Variants in KCNAB1 observed in about 807,000 individuals in gnomAD.
The protein encoded by KCNAB1 is potassium voltage-gated channel subfamily A regulatory beta subunit 1.
In KCNAB1, 35 loss-of-function variants were observed where a neutral mutation model predicts 64.6. That is an observed-to-expected ratio of 0.54 (90% CI 0.41 to 0.72). KCNAB1 has a LOEUF of 0.72. KCNAB1 is among the 30% of genes least tolerant of loss of function. KCNAB1 has a pLI of 0.00. For missense variants in KCNAB1, 401 were observed against 512.9 expected (o/e 0.78, Z 2.11); for synonymous variants, 177 against 183.8 (o/e 0.96, Z 0.30).
At chr3:156,526,562 A>C (rs776502203) in intron 12 of KCNAB1, among the ~76,000 whole-genome samples, 1 of 152,200 alleles carries the variant, frequency 6.6e-6, no homozygotes, top group African/African-American at 2.4e-5. Flanking sequence ...CACACGTTGC[A>C]TGCTCAATAG....
intron 1 of KCNAB1, among the ~76,000 whole-genome samples, chr3:156,311,839 A>T (rs1471782490): frequency 6.6e-6 from 1 of 152,138 alleles, no homozygotes; most frequent in Non-Finnish European, 1.5e-5. Context: ...AGCCCCATTT[A>T]TTGACTGCAA....
chr3:156,291,848 C>T, intron 1 of KCNAB1: 2 of 1,605,876 alleles, frequency 1.2e-6, no homozygotes, highest in Non-Finnish European at 1.7e-6. Flanking sequence ...ACTGCTCAAC[C>T]TCTCGTGACT....
In KCNAB1 at chr3:156,326,678, A is replaced by C. The variant is rs143160230; in HGVS notation, c.276-94938A>C. 3.0e-3 allele frequency among the ~76,000 whole-genome samples: 451 copies of C among 152,232 alleles called. 9 individuals are homozygous for C. The highest frequency in any genetic ancestry group is 0.024 in the Admixed American group (374 of 15,270). ...CATGCTCCTGCCTGAGGACCTTTGC[A>C]CTTGCTGTTCTCTCTACCTGGAAAG... On this transcript the variant is annotated intron_variant, in intron 1 of 13. Transcript: ENST00000490337.
At chr3:156,121,586 G>A (rs759286802) in intron 1 of KCNAB1, among the ~76,000 whole-genome samples, 1 of 152,102 alleles carries the variant, frequency 6.6e-6, no homozygotes, top group Non-Finnish European at 1.5e-5. Context: ...AAAAGTGTCT[G>A]GAGTCCTGAA....
chr3:156,439,328 G>A (rs1463081589), intron 2 of KCNAB1, among the ~76,000 whole-genome samples: 1 of 150,252 alleles, frequency 6.7e-6, no homozygotes, highest in Non-Finnish European at 1.5e-5. Context: ...TTATCCATGG[G>A]CATAATCAAT....
At chr3:156,276,259 C>T (rs1719341177) in intron 1 of KCNAB1, among the ~76,000 whole-genome samples, 1 of 152,102 alleles carries the variant, frequency 6.6e-6, no homozygotes, top group African/African-American at 2.4e-5. Flanking sequence ...GGCTTGAAAA[C>T]ATTCAGCAAA....
intron 1 of KCNAB1, among the ~76,000 whole-genome samples, chr3:156,311,225 A>C (rs956412864): frequency 2.0e-5 from 3 of 152,214 alleles, no homozygotes; most frequent in African/African-American, 7.2e-5. Context: ...TTTAAACGTC[A>C]TGGAATTGAG....
chr3:156,523,750 A>G, intron 11 of KCNAB1, 77 bp from the exon 12 acceptor site: 3 of 1,356,750 alleles, frequency 2.2e-6, no homozygotes, highest in Non-Finnish European at 2.0e-6. Context: ...TGAGGTTCAC[A>G]TATTTTATTG....
intron 1 of KCNAB1, among the ~76,000 whole-genome samples, chr3:156,239,038 GA>G (rs1717019334): frequency 6.6e-6 from 1 of 152,094 alleles, no homozygotes; most frequent in African/African-American, 2.4e-5. Context: ...AGACAATTGA[GA>G]AACAAGTATT....
chr3:156,524,746 C>CAAAAAAAAAAAAAA (rs10553136), intron 12 of KCNAB1, among the ~76,000 whole-genome samples: 1 of 74,436 alleles, frequency 1.3e-5, no homozygotes, highest in Non-Finnish European at 2.3e-5. Flanking sequence ...GACTCCATCT[C>CAAAAAAAAAAAAAA]AAAAAAAAAA....
At chr3:156,354,491 A>C (rs954773068) in intron 1 of KCNAB1, among the ~76,000 whole-genome samples, 1 of 151,944 alleles carries the variant, frequency 6.6e-6, no homozygotes, top group African/African-American at 2.4e-5. Context: ...TTAAGCCTCA[A>C]ATCACCGGGC....
At chr3:156,413,946 G>A (rs1358053549) in intron 1 of KCNAB1, among the ~76,000 whole-genome samples, 5 of 152,162 alleles carry the variant, frequency 3.3e-5, no homozygotes, top group Non-Finnish European at 7.4e-5. Flanking sequence ...GGCACATAGA[G>A]AAACAGGCAT....
intron 1 of KCNAB1, among the ~76,000 whole-genome samples, chr3:156,408,418 G>T (rs1363863369): frequency 6.6e-6 from 1 of 152,148 alleles, no homozygotes; most frequent in Non-Finnish European, 1.5e-5. Flanking sequence ...CTCTCTTGTG[G>T]ATAAAATGGG....
intron 1 of KCNAB1, among the ~76,000 whole-genome samples, chr3:156,266,168 C>T (rs1440786688): frequency 1.3e-5 from 2 of 152,034 alleles, no homozygotes; most frequent in Non-Finnish European, 2.9e-5. Context: ...CCCATTGTTC[C>T]AGCCCCTTCC....
At chr3:156,496,967 C>T (rs2108360230) in intron 8 of KCNAB1, among the ~76,000 whole-genome samples, 1 of 152,186 alleles carries the variant, frequency 6.6e-6, no homozygotes, top group Non-Finnish European at 1.5e-5. Context: ...GTGACAGTTG[C>T]CCAGCCACTA....
intron 1 of KCNAB1, among the ~76,000 whole-genome samples, chr3:156,203,639 T>C (rs893323104): frequency 2.0e-5 from 3 of 152,264 alleles, no homozygotes; most frequent in African/African-American, 7.2e-5. Flanking sequence ...TATTGTTATG[T>C]TTCTCTTGGG....
chr3:156,270,182 C>T (rs1268901860), intron 1 of KCNAB1, among the ~76,000 whole-genome samples: 1 of 152,150 alleles, frequency 6.6e-6, no homozygotes, highest in Non-Finnish European at 1.5e-5. Context: ...TCCCAAAGTG[C>T]TGGGATTACA....
intron 1 of KCNAB1, among the ~76,000 whole-genome samples, chr3:156,138,815 C>A (rs1258541211): frequency 6.6e-6 from 1 of 152,180 alleles, no homozygotes; most frequent in East Asian, 1.9e-4. Flanking sequence ...TCCAAGGTCA[C>A]ACTATTGTTT....
chr3:156,227,282 G>T (rs1716240518), intron 1 of KCNAB1, among the ~76,000 whole-genome samples: 1 of 152,200 alleles, frequency 6.6e-6, no homozygotes, highest in East Asian at 1.9e-4. Context: ...TGAAACGACT[G>T]GCCATTTGCA....
Sources: allele counts gnomAD v4.1 joint callset (sites outside exome capture counted in the v4.1 genomes callset), GRCh38; gene constraint gnomAD v4.1.1; transcripts MANE v1.5; gene names NCBI Gene and HGNC (gene_info 2026-07-23, HGNC 2026-07-21).